Variants in GSG1L observed in about 807,000 individuals in gnomAD.
GSG1L encodes the protein GSG1 like.
Under a neutral mutation model 42.1 loss-of-function variants are expected in GSG1L, and 24 were observed. The ratio of observed to expected loss-of-function variants is 0.57; its 90% CI spans 0.41 to 0.80. GSG1L has a LOEUF of 0.80. GSG1L is among the 30% of genes least tolerant of loss of function. The pLI, the probability that GSG1L is intolerant of heterozygous loss-of-function variation, is 0.00. For synonymous variants in GSG1L, 215 were observed against 203.5 expected (o/e 1.06, Z -0.48); for missense variants, 445 against 472.2 (o/e 0.94, Z 0.53).
intron 3 of GSG1L, among the ~76,000 whole-genome samples, chr16:27,869,675 CCTT>C (rs1320786242): frequency 1.5e-5 from 2 of 131,384 alleles, no homozygotes; most frequent in East Asian, 4.8e-4. Flanking sequence ...CTCTCTCTCT[CCTT>C]CTCTCTCTGT....
chr16:27,939,971 G>A (rs1055133961), intron 2 of GSG1L, among the ~76,000 whole-genome samples: 4 of 152,144 alleles, frequency 2.6e-5, no homozygotes, highest in African/African-American at 9.7e-5. Flanking sequence ...ATAAGCCATC[G>A]TGCCTGGCTG....
chr16:28,054,486 C>T (rs890527283), intron 1 of GSG1L, among the ~76,000 whole-genome samples: 1 of 151,902 alleles, frequency 6.6e-6, no homozygotes, highest in African/African-American at 2.4e-5. Flanking sequence ...AAAATTAGCC[C>T]AGTGTAGTGG....
At chr16:27,951,315 C>T (rs1183687894) in intron 2 of GSG1L, among the ~76,000 whole-genome samples, 2 of 152,354 alleles carry the variant, frequency 1.3e-5, no homozygotes, top group Middle Eastern at 3.4e-3. Flanking sequence ...TATCTCCATA[C>T]TATCTGGGAA....
At chr16:27,859,717 C>G (rs1210081022) in intron 3 of GSG1L, among the ~76,000 whole-genome samples, 1 of 152,208 alleles carries the variant, frequency 6.6e-6, no homozygotes, top group African/African-American at 2.4e-5. Flanking sequence ...ACCCTGTCAC[C>G]CAGGCTGGAG....
intron 6 of GSG1L, 28 bp from the exon 7 acceptor site, chr16:27,791,495 GA>G: frequency 7.1e-7 from 1 of 1,418,176 alleles, no homozygotes; most frequent in Non-Finnish European, 9.4e-7. Flanking sequence ...GGTCAGTGCT[GA>G]AAGCCACCTT....
intron 1 of GSG1L, among the ~76,000 whole-genome samples, chr16:27,968,425 AT>A (rs2085158166): frequency 1.3e-5 from 2 of 151,646 alleles, no homozygotes; most frequent in East Asian, 3.9e-4. Flanking sequence ...AGTTTTTTTT[AT>A]TTTTTGTAGA....
rs552226263 is a variant in GSG1L at position 27,928,088 on chromosome 16, A to G, written c.397+35068T>C. On this transcript the variant is annotated intron_variant, in intron 2 of 6. Transcript: ENST00000447459. ...GTCCCTGAGAAAGTGAGCACTCAATAAATACTTATTCAGCAAATGCAGATA... is the reference window on the plus strand; with the variant it reads ...GTCCCTGAGAAAGTGAGCACTCAATGAATACTTATTCAGCAAATGCAGATA... 1.4e-3 allele frequency among the ~76,000 whole-genome samples: 218 copies of G among 152,314 alleles called. 4 individuals carry two copies. In the South Asian group the frequency reaches 0.039, roughly 27 times the overall value.
chr16:27,925,838 C>T (rs1181987218), intron 2 of GSG1L, among the ~76,000 whole-genome samples: 1 of 152,234 alleles, frequency 6.6e-6, no homozygotes, highest in Non-Finnish European at 1.5e-5. Context: ...AAGAATAGGG[C>T]AGTGCCTGGG....
intron 2 of GSG1L, 56 bp downstream of exon 2, chr16:27,963,097 TAGG>T: frequency 1.4e-6 from 2 of 1,460,740 alleles, no homozygotes; most frequent in Non-Finnish European, 1.9e-6. Flanking sequence ...GCCACCAAGG[TAGG>T]AAAGATGTCC....
chr16:28,042,214 T>A (rs1481642160), intron 1 of GSG1L, among the ~76,000 whole-genome samples: 2 of 152,048 alleles, frequency 1.3e-5, no homozygotes, highest in Admixed American at 1.3e-4. Context: ...TGCAGGTGGA[T>A]CACTTGAGGT....
intron 5 of GSG1L, among the ~76,000 whole-genome samples, chr16:27,815,614 C>A (rs904785629): frequency 2.6e-5 from 4 of 152,182 alleles, no homozygotes; most frequent in Admixed American, 6.5e-5. Context: ...AACCGGGCAC[C>A]CCAGACGTGT....
In GSG1L at chr16:28,063,246, G is replaced by C; in HGVS notation, c.179C>G (p.Thr60Arg). The change falls in exon 1 of 7, where the codon ACG becomes AGG. Residue 60 changes from threonine (T) to arginine (R), a missense_variant. Physicochemically the swap from Thr to Arg is moderately conservative, Grantham distance 71 (BLOSUM62 -1). Around this residue, in one of 3 missense-constraint regions of GSG1L, gnomAD observed 156 missense variants for 128.3 expected, o/e 1.22. Coordinates refer to ENST00000447459, the MANE Select transcript of GSG1L (RefSeq NM_001109763.2). This position sits in a 1 kb window ranked among gnomAD's most constrained non-coding sequence, Gnocchi z 5.8. ...ANCPNSGANA[T>R]ANGTAAPAAA... ...GGCGGGGGCGGCGGTGCCGTTGGCC[G>C]TGGCGTTGGCGCCCGAGTTGGGGCA... 1 of 1,293,422 alleles carries C rather than the reference G, an allele frequency of 7.7e-7. No homozygotes were observed. The highest frequency in any genetic ancestry group is 9.8e-7 in the Non-Finnish European group (1 of 1,019,892). The allele number at this position is 1,293,422 out of a possible 1,614,324, so 80.1% of individuals were successfully genotyped here.
intron 3 of GSG1L, among the ~76,000 whole-genome samples, chr16:27,859,257 G>T (rs1374332754): frequency 6.6e-6 from 1 of 152,220 alleles, no homozygotes; most frequent in African/African-American, 2.4e-5. Context: ...CACTTCCCAT[G>T]ATAGTGTCTG....
At chr16:27,848,574 C>T (rs1482979633) in intron 3 of GSG1L, among the ~76,000 whole-genome samples, 1 of 152,092 alleles carries the variant, frequency 6.6e-6, no homozygotes, top group Non-Finnish European at 1.5e-5. Flanking sequence ...AATAGATGGG[C>T]GGATGTCCTG....
chr16:27,791,619 A>T (rs932735517), intron 6 of GSG1L, 152 bp from the exon 7 acceptor site: 2 of 462,106 alleles, frequency 4.3e-6, no homozygotes, highest in African/African-American at 4.1e-5. Flanking sequence ...CATGCCCAAC[A>T]CCACCAGCTC....
chr16:27,812,932 A>T (rs2083049778), intron 5 of GSG1L, among the ~76,000 whole-genome samples: 1 of 152,034 alleles, frequency 6.6e-6, no homozygotes, highest in South Asian at 2.1e-4. Flanking sequence ...GTCGTGCACC[A>T]TCACACCCGG....
intron 2 of GSG1L, among the ~76,000 whole-genome samples, chr16:27,913,396 GT>G (rs2084414079): frequency 6.6e-6 from 1 of 152,150 alleles, no homozygotes; most frequent in African/African-American, 2.4e-5. Context: ...TGGTAATGAC[GT>G]TTTGCTTAAA....
chr16:28,038,471 G>C (rs571850064), intron 1 of GSG1L, among the ~76,000 whole-genome samples: 1 of 152,286 alleles, frequency 6.6e-6, no homozygotes, highest in East Asian at 1.9e-4. Flanking sequence ...GGTCTCCCCT[G>C]AATCCTCCCT....
At chr16:27,872,462 T>C (rs900545536) in intron 3 of GSG1L, among the ~76,000 whole-genome samples, 2 of 152,122 alleles carry the variant, frequency 1.3e-5, no homozygotes, top group Non-Finnish European at 2.9e-5. Context: ...GCACCTACCA[T>C]TGTAGTGTCA....
Sources: allele counts gnomAD v4.1 joint callset (sites outside exome capture counted in the v4.1 genomes callset), GRCh38; gene constraint gnomAD v4.1.1; regional missense constraint gnomAD v4.1.1; non-coding constraint Gnocchi (gnomAD v3.1); transcripts MANE v1.5; gene names NCBI Gene and HGNC (gene_info 2026-07-23, HGNC 2026-07-21).